MACO1: variants seen among roughly 807,000 people sequenced by gnomAD.
MACO1 encodes macoilin.
MACO1 carries 14 observed loss-of-function variants against 78.7 expected under a neutral mutation model. The observed-to-expected ratio is 0.18, with a 90% CI of 0.12 to 0.28. The LOEUF (loss-of-function observed/expected upper bound fraction) is 0.28, where lower values mean the gene tolerates loss of function less well. Among genes scored for constraint, MACO1 ranks in the 10% least tolerant of loss-of-function variants. The pLI is 1.00. For missense variants in MACO1, 501 were observed against 799.0 expected (o/e 0.63, Z 4.50); for synonymous variants, 288 against 291.6 (o/e 0.99, Z 0.12).
intron 10 of MACO1, among the ~76,000 whole-genome samples, chr1:25,493,483 CAA>C (rs2043507131): frequency 6.6e-6 from 1 of 151,792 alleles, no homozygotes; most frequent in African/African-American, 2.4e-5. Flanking sequence ...CTCCTGGGCT[CAA>C]GAGATCCTCC....
At chr1:25,461,430 C>T (rs1403898927) in intron 6 of MACO1, among the ~76,000 whole-genome samples, 3 of 152,062 alleles carry the variant, frequency 2.0e-5, no homozygotes, top group Admixed American at 1.3e-4. Flanking sequence ...TGGTTGGATC[C>T]TGGACCTTCT....
At chr1:25,461,253 C>G (rs1342252069) in intron 6 of MACO1, among the ~76,000 whole-genome samples, 1 of 151,612 alleles carries the variant, frequency 6.6e-6, no homozygotes, top group African/African-American at 2.4e-5. Flanking sequence ...GGAGATACAC[C>G]TAATACTACA....
At chr1:25,435,028 TAGA>T (rs1449913238) in intron 1 of MACO1, among the ~76,000 whole-genome samples, 1 of 152,200 alleles carries the variant, frequency 6.6e-6, no homozygotes, top group African/African-American at 2.4e-5. Flanking sequence ...ATGTGGTAAG[TAGA>T]AGAAGGAGGC....
intron 1 of MACO1, among the ~76,000 whole-genome samples, chr1:25,442,730 A>T (rs10903130): frequency 0.57 from 86,516 of 151,956 alleles, 25,571 homozygotes; most frequent in African/African-American, 0.71. Flanking sequence ...AACCTTATAG[A>T]TAATATTCAC....
At chr1:25,436,507 C>T (rs569040829) in intron 1 of MACO1, among the ~76,000 whole-genome samples, 6 of 152,060 alleles carry the variant, frequency 3.9e-5, no homozygotes, top group Non-Finnish European at 4.4e-5. Flanking sequence ...TTTTACTTGG[C>T]TCTTGCTCAA....
rs1336148483 is a variant in MACO1, at chr1:25,499,075, CAG to C, written c.*610_*611del. ...GATGAAACTAGCTGTAAGAATGTAA[CAG>C]GGGTTGTGTTTGAAATATTTATATT... On this transcript the variant is annotated 3_prime_UTR_variant, in exon 11 of 11. Coordinates refer to ENST00000374343, the MANE Select transcript of MACO1 (RefSeq NM_018202.6). 3 of 152,234 alleles carry C rather than the reference CAG, an allele frequency of 2.0e-5. No individual in the cohort carries two copies. The highest frequency in any genetic ancestry group is 1.3e-4 in the Admixed American group (2 of 15,284). The allele number at this position is 152,234 out of a possible 1,614,324, so 9.4% of individuals were successfully genotyped here. A position where few individuals can be genotyped will look rare whatever the true frequency, so the allele number is the denominator to read the frequency against.
chr1:25,465,605 T>C (rs1405380747), intron 6 of MACO1, among the ~76,000 whole-genome samples: 1 of 152,244 alleles, frequency 6.6e-6, no homozygotes, highest in African/African-American at 2.4e-5. Flanking sequence ...TGGTGAGGTG[T>C]CTGTTAAAGT....
At chr1:25,457,643 ATC>A (rs1185350098) in intron 5 of MACO1, among the ~76,000 whole-genome samples, 1 of 152,172 alleles carries the variant, frequency 6.6e-6, no homozygotes, top group Non-Finnish European at 1.5e-5. Flanking sequence ...TTCTAATGGA[ATC>A]TCTCTCATGG....
chr1:25,465,571 G>T (rs35743255), intron 6 of MACO1, among the ~76,000 whole-genome samples: 63,188 of 151,996 alleles, frequency 0.42, 14,441 homozygotes, highest in East Asian at 0.73. Flanking sequence ...TTATATGCTT[G>T]TTTACCATCT....
chr1:25,466,195 G>A (rs1038381640), intron 6 of MACO1, among the ~76,000 whole-genome samples: 1 of 152,236 alleles, frequency 6.6e-6, no homozygotes, highest in African/African-American at 2.4e-5. Flanking sequence ...CATACTGTTT[G>A]CCATAGAAGT....
chr1:25,472,361 C>T (rs747180830), intron 6 of MACO1, among the ~76,000 whole-genome samples: 14 of 152,040 alleles, frequency 9.2e-5, no homozygotes, highest in African/African-American at 3.1e-4. Context: ...CTATCCCGCC[C>T]CTAGCCCCCC....
chr1:25,469,762 G>T, intron 6 of MACO1, among the ~76,000 whole-genome samples: 1 of 149,770 alleles, frequency 6.7e-6, no homozygotes, highest in East Asian at 2.0e-4. Context: ...TCAGCCTCCC[G>T]AGTAGCTGGG....
intron 6 of MACO1, among the ~76,000 whole-genome samples, chr1:25,468,482 A>C (rs1214948987): frequency 6.6e-6 from 1 of 152,178 alleles, no homozygotes; most frequent in African/African-American, 2.4e-5. Flanking sequence ...GGGTGTGCAC[A>C]TTGCCATGAT....
At chr1:25,438,983 T>C (rs762470053) in intron 1 of MACO1, among the ~76,000 whole-genome samples, 2 of 152,062 alleles carry the variant, frequency 1.3e-5, no homozygotes, top group African/African-American at 2.4e-5. Context: ...AAGAAACACA[T>C]TTGTTTATAT....
chr1:25,485,579 T>C lies in MACO1; in HGVS notation c.1314-34T>C. On this transcript the variant is annotated intron_variant, in intron 7 of 10. Transcript: ENST00000374343. This position sits in a 1 kb window ranked among gnomAD's most constrained non-coding sequence, Gnocchi z 4.3. ...AGGGTTTATAGTGGGCATTTGTAAT[T>C]TTAAGACTTTATATGACAATCATTT... The C allele has an allele frequency of 6.3e-7, 1 of 1,594,384 alleles. No homozygotes were observed. Among genetic ancestry groups the C allele is most frequent in the Non-Finnish European group, 8.5e-7 (1 of 1,171,952 alleles).
intron 1 of MACO1, among the ~76,000 whole-genome samples, chr1:25,431,850 G>A (rs1020565191): frequency 1.3e-5 from 2 of 151,972 alleles, no homozygotes. Context: ...AGCAAATATT[G>A]TTTTGACAAT....
Position 25,485,753 on chromosome 1 carries a change from A to C in MACO1, c.1454A>C (p.Glu485Ala). Residue 485 changes from glutamate (E) to alanine (A), a missense_variant, in exon 8 of 11, where the codon GAA (glutamate) becomes GCA (alanine). Coordinates refer to ENST00000374343, the MANE Select transcript of MACO1 (RefSeq NM_018202.6). The surrounding 1 kb of genome is among the most constrained non-coding windows in gnomAD (Gnocchi z 4.3). Reference sequence around the variant, plus strand: ...GAGAAAAAGAGGAAGAAGTTAGAAGAAGCCACTGCTGCCCGGGCTGTTGCG... The same window carrying C: ...GAGAAAAAGAGGAAGAAGTTAGAAGCAGCCACTGCTGCCCGGGCTGTTGCG... ...MEEKKRKKLE[E>A]ATAARAVAFA... 1 of 1,614,138 alleles carries C rather than the reference A, an allele frequency of 6.2e-7. No individual in the cohort carries two copies. Among genetic ancestry groups the C allele is most frequent in the Non-Finnish European group, 8.5e-7 (1 of 1,180,012 alleles).
At position 25,452,830 on chromosome 1, in the gene MACO1, G is replaced by A. The variant is rs185858139; in HGVS notation, c.350-1429G>A. Among the ~76,000 whole-genome samples the A allele has an allele frequency of 1.9e-3, 286 of 151,108 alleles. 2 individuals are homozygous for A. The highest frequency in any genetic ancestry group is 1.9e-3 in the Non-Finnish European group (126 of 67,820). On this transcript the variant is annotated intron_variant, in intron 3 of 10. Transcript: ENST00000374343. ...CCTTGCCTCAGCCTCCCGAGTAACTGGAATTACAGGTGTGCACCACCATGC... is the reference window on the plus strand; with the variant it reads ...CCTTGCCTCAGCCTCCCGAGTAACTAGAATTACAGGTGTGCACCACCATGC...
intron 4 of MACO1, among the ~76,000 whole-genome samples, chr1:25,456,047 C>G (rs557041497): frequency 2.0e-5 from 3 of 151,922 alleles, no homozygotes; most frequent in Non-Finnish European, 4.4e-5. Flanking sequence ...ATCACGAGGT[C>G]GAGAGATCGA....
Sources: allele counts gnomAD v4.1 joint callset (sites outside exome capture counted in the v4.1 genomes callset), GRCh38; gene constraint gnomAD v4.1.1; non-coding constraint Gnocchi (gnomAD v3.1); transcripts MANE v1.5; gene names NCBI Gene and HGNC (gene_info 2026-07-23, HGNC 2026-07-21).